PTPRT: variants seen among roughly 807,000 people sequenced by gnomAD.
The protein encoded by PTPRT is protein tyrosine phosphatase receptor type T.
A neutral mutation model predicts 176.8 loss-of-function variants in PTPRT; 56 were observed. That is an observed-to-expected ratio of 0.32 (90% CI 0.26 to 0.40). The LOEUF (loss-of-function observed/expected upper bound fraction) is 0.40. Among genes scored for constraint, PTPRT ranks in the 10% least tolerant of loss-of-function variants. The pLI, the probability that PTPRT is intolerant of heterozygous loss-of-function variation, is 1.00. For missense variants in PTPRT, 1,540 were observed against 1,908.2 expected (o/e 0.81, Z 3.60); for synonymous variants, 783 against 739.0 (o/e 1.06, Z -0.96).
At chr20:42,558,050 G>A (rs967551547) in intron 7 of PTPRT, among the ~76,000 whole-genome samples, 2 of 152,128 alleles carry the variant, frequency 1.3e-5, no homozygotes, top group African/African-American at 4.8e-5. Context: ...CTTGTGTCAT[G>A]GGGGTTTGTT....
At position 42,084,833 on chromosome 20, in the gene PTPRT, A is replaced by T; in HGVS notation, c.3985T>A (p.Tyr1329Asn). The T allele has an allele frequency of 6.9e-7, 1 of 1,447,338 alleles. No homozygotes were observed. Among genetic ancestry groups the T allele is most frequent in the Non-Finnish European group, 9.2e-7 (1 of 1,084,066 alleles). The allele number at this position is 1,447,338 out of a possible 1,614,324, so 89.7% of individuals were successfully genotyped here. A position where few individuals can be genotyped will look rare whatever the true frequency, so the allele number is the denominator to read the frequency against. ...TACTGGAGGTGCTGGACTATACGATAACCATCCTGTGGCTGAGAACAGAGA... is the reference window on the plus strand; with the variant it reads ...TACTGGAGGTGCTGGACTATACGATTACCATCCTGTGGCTGAGAACAGAGA... Reference protein sequence around the residue: ...ICNMARPQDGYRIVQHLQYIG... With the variant: ...ICNMARPQDGNRIVQHLQYIG... Residue 1329 changes from tyrosine to asparagine, a missense_variant, in exon 29 of 31, where the codon TAT becomes AAT. Transcript: ENST00000373187.
rs934829160 is a variant in PTPRT, at chr20:42,252,813, G to A, written c.2177-3991C>T. Among the ~76,000 whole-genome samples the A allele has an allele frequency of 2.6e-5, 4 of 152,222 alleles. 1 individual carries two copies. The highest frequency in any genetic ancestry group is 4.8e-5 in the African/African-American group (2 of 41,456). On this transcript the variant is annotated intron_variant, in intron 13 of 30. Coordinates refer to ENST00000373187, the MANE Select transcript of PTPRT (RefSeq NM_007050.6). ...GCTGTCTGAAAGTCCAGAGCCTAGAGGTTTAGACGAATTCAATGAGTTCAG... is the reference window on the plus strand; with the variant it reads ...GCTGTCTGAAAGTCCAGAGCCTAGAAGTTTAGACGAATTCAATGAGTTCAG...
rs190676396 is a variant in PTPRT at position 42,529,622 on chromosome 20, G to C, written c.1154-57060C>G. On this transcript the variant is annotated intron_variant, in intron 7 of 30. Coordinates refer to ENST00000373187, the MANE Select transcript of PTPRT (RefSeq NM_007050.6). ...CTGCCCCAGCCTCCCGAGTAGCTGA[G>C]ACTACAAGCATGTGCCACCATGCCC... Among the ~76,000 whole-genome samples, 96 of 152,166 alleles carry C rather than the reference G, an allele frequency of 6.3e-4. 1 individual carries two copies. The highest frequency in any genetic ancestry group is 2.3e-3 in the Admixed American group (35 of 15,292).
chr20:42,972,290 G>A (rs1459502743), intron 1 of PTPRT, among the ~76,000 whole-genome samples: 1 of 151,272 alleles, frequency 6.6e-6, no homozygotes, highest in African/African-American at 2.4e-5. Flanking sequence ...GGAAAGTAAT[G>A]GCTAGAGAAG....
At chr20:42,102,402 C>T in intron 25 of PTPRT, 105 bp from the exon 26 acceptor site, 1 of 1,217,690 alleles carries the variant, frequency 8.2e-7, no homozygotes, top group East Asian at 2.5e-5. Flanking sequence ...TTTCCACCCT[C>T]TAAGCGCAGC....
rs938156883 is a variant in PTPRT at position 42,644,854 on chromosome 20, C to T, written c.1153+33012G>A. ...CAATAACTTATATTCATATGTATTG[C>T]ACAGATTACTAAGTATGTGCTCTTC... On this transcript the variant is annotated intron_variant, in intron 7 of 30. Transcript: ENST00000373187. 3.9e-5 allele frequency among the ~76,000 whole-genome samples: 6 copies of T among 152,140 alleles called. No homozygotes were observed. The East Asian group carries it at 1.2e-3, about 29-fold the overall frequency.
chr20:42,450,280 AT>A (rs1164430000), intron 8 of PTPRT, among the ~76,000 whole-genome samples: 1 of 152,236 alleles, frequency 6.6e-6, no homozygotes, highest in East Asian at 1.9e-4. Context: ...TAAATGAACT[AT>A]TTTATTTTTA....
chr20:42,601,409 C>T (rs190178245), intron 7 of PTPRT, among the ~76,000 whole-genome samples: 9 of 152,306 alleles, frequency 5.9e-5, no homozygotes, highest in South Asian at 4.1e-4. Flanking sequence ...AGCATCAGCA[C>T]ATGTCACGAT....
chr20:42,608,140 G>C (rs2073912691), intron 7 of PTPRT, among the ~76,000 whole-genome samples: 1 of 152,062 alleles, frequency 6.6e-6, no homozygotes, highest in African/African-American at 2.4e-5. Flanking sequence ...AGGCTCCAAG[G>C]CCCAAACTCT....
At chr20:42,439,780 C>A (rs2059295662) in intron 9 of PTPRT, among the ~76,000 whole-genome samples, 1 of 152,204 alleles carries the variant, frequency 6.6e-6, no homozygotes, top group Non-Finnish European at 1.5e-5. Context: ...AGCGCCCCCT[C>A]CCCTAGAGAT....
intron 1 of PTPRT, among the ~76,000 whole-genome samples, chr20:42,935,671 A>G (rs1258319544): frequency 6.6e-6 from 1 of 152,166 alleles, no homozygotes; most frequent in Non-Finnish European, 1.5e-5. Context: ...GTATTTAATG[A>G]CTGTCTGCTA....
chr20:42,956,565 G>A (rs1981651640), intron 1 of PTPRT, among the ~76,000 whole-genome samples: 1 of 152,030 alleles, frequency 6.6e-6, no homozygotes. Flanking sequence ...TGCAGAACCA[G>A]GAGCCAATTA....
intron 13 of PTPRT, among the ~76,000 whole-genome samples, chr20:42,268,862 C>G (rs73909250): frequency 1.3e-5 from 2 of 152,044 alleles, no homozygotes; most frequent in Non-Finnish European, 2.9e-5. Context: ...CTTTACTGGG[C>G]GGGTGTGACT....
At chr20:42,682,269 T>C (rs921194490) in intron 6 of PTPRT, among the ~76,000 whole-genome samples, 6 of 152,310 alleles carry the variant, frequency 3.9e-5, no homozygotes, top group Non-Finnish European at 7.4e-5. Flanking sequence ...ATATAAGTGA[T>C]ACCTTAAAAG....
chr20:43,101,287 A>G (rs1429628733), intron 1 of PTPRT, among the ~76,000 whole-genome samples: 3 of 152,100 alleles, frequency 2.0e-5, no homozygotes, highest in African/African-American at 7.3e-5. Flanking sequence ...ACTCTTTGCA[A>G]TGAAAACCAC....
At chr20:42,639,807 T>C (rs1335694950) in intron 7 of PTPRT, among the ~76,000 whole-genome samples, 2 of 152,146 alleles carry the variant, frequency 1.3e-5, no homozygotes, top group Non-Finnish European at 2.9e-5. Flanking sequence ...ATTAATTAGA[T>C]CCCTCTCTTC....
chr20:42,182,650 T>C (rs1990568786), intron 16 of PTPRT, among the ~76,000 whole-genome samples: 1 of 152,156 alleles, frequency 6.6e-6, no homozygotes, highest in Non-Finnish European at 1.5e-5. Context: ...AAAACTCAAC[T>C]GGTCCCATGA....
chr20:43,121,926 T>C (rs942785144), intron 1 of PTPRT, among the ~76,000 whole-genome samples: 4 of 151,988 alleles, frequency 2.6e-5, no homozygotes, highest in African/African-American at 9.7e-5. Flanking sequence ...TTCAGAGAGG[T>C]TGAATAACTT....
intron 6 of PTPRT, among the ~76,000 whole-genome samples, chr20:42,678,939 A>C (rs2075555647): frequency 6.6e-6 from 1 of 152,234 alleles, no homozygotes; most frequent in Admixed American, 6.5e-5. Flanking sequence ...GCCTAAGTAG[A>C]AAAAGAATGA....
Sources: gnomAD v4.1 joint callset for allele counts (sites outside exome capture counted in the v4.1 genomes callset) on GRCh38, gnomAD v4.1.1 for gene constraint, MANE v1.5 for transcripts, NCBI Gene and HGNC (gene_info 2026-07-23, HGNC 2026-07-21) for gene names.